Variants in SPATA24 observed in about 807,000 individuals in gnomAD.
The protein encoded by SPATA24 is spermatogenesis associated 24.
A neutral mutation model predicts 28.9 loss-of-function variants in SPATA24; 21 were observed. The observed-to-expected ratio is 0.73, with a 90% CI of 0.52 to 1.05. SPATA24 has a LOEUF of 1.05. Among genes scored for constraint, SPATA24 ranks in the 50% least tolerant of loss-of-function variants. The pLI is 0.00. For synonymous variants in SPATA24, 76 were observed against 89.9 expected, an observed-to-expected ratio of 0.85 and a Z score of 0.88; for missense variants, 215 against 242.9, an observed-to-expected ratio of 0.88 and a Z score of 0.76.
In SPATA24 at chr5:139,396,936, C is replaced by G. The variant is rs747884609; in HGVS notation, c.489-7G>C. On this transcript the variant is annotated splice_region_variant and splice_polypyrimidine_tract_variant and intron_variant, in intron 5 of 5. Transcript: ENST00000450845. ...GAAGTCAGACATGTGATTCCTGCAA[C>G]GGAGCCGGCTGGTGGTGGGCTGTGG... 6.4e-7 allele frequency: 1 copy of G among 1,551,634 alleles called. No homozygotes were observed. Among genetic ancestry groups the G allele is most frequent in the South Asian group, 1.2e-5 (1 of 84,058 alleles).
downstream of SPATA24, chr5:139,393,061 G>C (rs1482474876): frequency 1.3e-6 from 2 of 1,530,540 alleles, no homozygotes; most frequent in Admixed American, 2.1e-5. Flanking sequence ...AGCCGGGGCG[G>C]GGGGCCCCAG....
At chr5:139,401,580 C>T (rs866394464) in intron 4 of SPATA24, 175 bp downstream of exon 4, 5 of 724,596 alleles carry the variant, frequency 6.9e-6, no homozygotes, top group African/African-American at 3.5e-5. Flanking sequence ...CCCTCATTTC[C>T]GTGGCCTGCC....
Position 139,404,012 on chromosome 5 carries a change from G to A in SPATA24, c.49C>T (p.Leu17Phe), listed in dbSNP as rs1165410700. ...WSKAGSGSVC[L>F]ALDQLRDVIE... Reference sequence around the variant, plus strand: ...ACGTCCCGCAGTTGATCTAAAGCGAGACACACAGATCCTGACCCCGCCTTC... The same window carrying A: ...ACGTCCCGCAGTTGATCTAAAGCGAAACACACAGATCCTGACCCCGCCTTC... Residue 17 changes from leucine (L) to phenylalanine (F), a missense_variant, in exon 1 of 6, where the codon CTC (leucine) becomes TTC (phenylalanine). By Grantham distance (22) the Leu-to-Phe change is conservative. Transcript: ENST00000450845. 1.9e-6 allele frequency: 3 copies of A among 1,551,952 alleles called. No individual in the cohort carries two copies. Among genetic ancestry groups the A allele is most frequent in the Non-Finnish European group, 2.6e-6 (3 of 1,147,074 alleles).
downstream of SPATA24, chr5:139,396,676 C>T: frequency 6.5e-7 from 1 of 1,537,966 alleles, no homozygotes; most frequent in Non-Finnish European, 8.8e-7. Context: ...AAGCCCCCAC[C>T]TTGTGGACCC....
At chr5:139,395,183 C>T (rs529100526), downstream of SPATA24, 47 of 1,224,742 alleles carry the variant, frequency 3.8e-5, no homozygotes, top group African/African-American at 3.4e-4. Flanking sequence ...GGTCACCGCG[C>T]CTTAAAGCGG....
Position 139,400,247 on chromosome 5 carries a change from A to G in SPATA24, c.385+1508T>C, listed in dbSNP as rs151160004. ...ACCTCTTGCGCTTGGGCTCTGGCCT[A>G]CTGGAGATCTGCTGCAGTGAACAAA... On this transcript the variant is annotated intron_variant, in intron 4 of 5. Transcript: ENST00000450845. 1.2e-3 allele frequency among the ~76,000 whole-genome samples: 182 copies of G among 151,456 alleles called. 1 individual carries two copies. In the Middle Eastern group the frequency reaches 0.024, roughly 20 times the overall value.
chr5:139,395,341 A>C (rs1479813713), downstream of SPATA24: 3 of 388,606 alleles, frequency 7.7e-6, no homozygotes, highest in Non-Finnish European at 1.4e-5. Context: ...GCTGACAGGC[A>C]GGTGAGGGAA....
chr5:139,393,492 C>G (rs1758635959), downstream of SPATA24: 2 of 1,551,598 alleles, frequency 1.3e-6, no homozygotes, highest in Non-Finnish European at 8.7e-7. Context: ...TAAATGCTAT[C>G]GATGAGCCCG....
rs761873472 is a variant in SPATA24, at chr5:139,399,049, G to A, written c.386-1906C>T. Among the ~76,000 whole-genome samples, 48 of 135,344 alleles carry A rather than the reference G, an allele frequency of 3.5e-4. 10 individuals are homozygous for A. The highest frequency in any genetic ancestry group is 4.7e-4 in the Non-Finnish European group (31 of 65,590). 88.8% of individuals were successfully genotyped at this position (135,344 alleles called of 152,430 possible). The stretch of plus-strand genomic sequence containing the variant: ...AAAAAAAAAAAAGGCCAGGCGTGGT[G>A]GCTCACGCCTGTAATCCCAGCACTT... On this transcript the variant is annotated intron_variant, in intron 4 of 5. Transcript: ENST00000450845.
Position 139,396,937 on chromosome 5 carries a change from G to A in SPATA24, c.489-8C>T, listed in dbSNP as rs750992569. ...AAGTCAGACATGTGATTCCTGCAAC[G>A]GAGCCGGCTGGTGGTGGGCTGTGGA... On this transcript the variant is annotated splice_region_variant and splice_polypyrimidine_tract_variant and intron_variant, in intron 5 of 5. Coordinates refer to ENST00000450845, the MANE Select transcript of SPATA24 (RefSeq NM_194296.2). 1.5e-4 allele frequency: 227 copies of A among 1,551,642 alleles called. No individual in the cohort carries two copies. The Admixed American group carries it at 3.2e-3, about 22-fold the overall frequency.
downstream of SPATA24, chr5:139,395,060 G>A: frequency 7.1e-7 from 1 of 1,414,892 alleles, no homozygotes; most frequent in Non-Finnish European, 9.2e-7. Context: ...GGCAGGGCTG[G>A]CGGGGCGAGC....
rs1235821971 is a variant in SPATA24 at position 139,397,147 on chromosome 5, T to TG, written c.386-5dup. 5 of 1,550,310 alleles carry TG rather than the reference T, an allele frequency of 3.2e-6. No homozygotes were observed. The highest frequency in any genetic ancestry group is 4.4e-6 in the Non-Finnish European group (5 of 1,145,538). ...TTTATAATGTGAGACTCAATCTCTG[T>TG]GGGGGAGAGAGGCAGGGAGGAGGGG... is the stretch of plus-strand genomic sequence containing the variant. On this transcript the variant is annotated splice_polypyrimidine_tract_variant and splice_region_variant and intron_variant, in intron 4 of 5. Transcript: ENST00000450845.
At chr5:139,402,103 C>A (rs1346131557) in intron 2 of SPATA24, 58 bp from the exon 3 acceptor site, 5 of 1,515,700 alleles carry the variant, frequency 3.3e-6, no homozygotes, top group Non-Finnish European at 3.5e-6. Context: ...CTCCTAGACT[C>A]CCTTAACCAG....
chr5:139,393,040 G>C, downstream of SPATA24: 23 of 1,528,698 alleles, frequency 1.5e-5, no homozygotes, highest in Admixed American at 2.1e-5. Flanking sequence ...GATGAAAACG[G>C]AAGTGTAGTG....
At chr5:139,402,264 A>G (rs1384455115) in intron 2 of SPATA24, among the ~76,000 whole-genome samples, 3 of 150,094 alleles carry the variant, frequency 2.0e-5, no homozygotes, top group African/African-American at 7.4e-5. Flanking sequence ...CACAGGCTGG[A>G]GTGCAGTGGC....
chr5:139,401,533 C>A, intron 4 of SPATA24: 1 of 675,312 alleles, frequency 1.5e-6, no homozygotes, highest in Non-Finnish European at 2.7e-6. Flanking sequence ...AAGCCCATTC[C>A]TTTATGGCGG....
downstream of SPATA24, chr5:139,393,431 G>A (rs1182980037): frequency 6.4e-7 from 1 of 1,551,692 alleles, no homozygotes; most frequent in Admixed American, 2.0e-5. Context: ...GGTGCGGACG[G>A]TGTAGGCGGT....
chr5:139,403,961 G>A lies in SPATA24; in HGVS notation c.100C>T (p.His34Tyr). 6.4e-7 allele frequency: 1 copy of A among 1,551,596 alleles called. No individual in the cohort carries two copies. The highest frequency in any genetic ancestry group is 8.7e-7 in the Non-Finnish European group (1 of 1,146,852). Reference protein sequence around the residue: ...DVIESQEELIHQLRNVMVLQD... With the variant: ...DVIESQEELIYQLRNVMVLQD... ...CTGCATACCACGTTCCTCAGCTGGTGGATTAGTTCCTCCTGAGACTCAATC... is the reference window on the plus strand; with the variant it reads ...CTGCATACCACGTTCCTCAGCTGGTAGATTAGTTCCTCCTGAGACTCAATC... Residue 34 changes from histidine to tyrosine, a missense_variant, in exon 1 of 6, where the codon CAC becomes TAC. Transcript: ENST00000450845.
downstream of SPATA24, chr5:139,394,082 G>C: frequency 6.4e-7 from 1 of 1,550,746 alleles, no homozygotes; most frequent in Non-Finnish European, 8.7e-7. Flanking sequence ...GGACCCAGCG[G>C]CTCCGTCCCG....
Sources: gnomAD v4.1 joint callset for allele counts (sites outside exome capture counted in the v4.1 genomes callset) on GRCh38, gnomAD v4.1.1 for gene constraint, MANE v1.5 for transcripts, NCBI Gene and HGNC (gene_info 2026-07-23, HGNC 2026-07-21) for gene names.